Variants in ADAMTS17 observed in about 807,000 individuals in gnomAD.
ADAMTS17 encodes ADAM metallopeptidase with thrombospondin type 1 motif 17.
A neutral mutation model predicts 141.5 loss-of-function variants in ADAMTS17; 113 were observed. The observed-to-expected ratio is 0.80, with a 90% CI of 0.69 to 0.93. ADAMTS17 has a LOEUF of 0.93. ADAMTS17 is among the 40% of genes least tolerant of loss of function. The pLI is 0.00. For missense variants in ADAMTS17, 1,659 were observed against 1,517.9 expected (o/e 1.09, Z -1.54); for synonymous variants, 768 against 630.6 (o/e 1.22, Z -3.27).
chr15:100,136,192 A>C (rs1399902241), intron 10 of ADAMTS17, among the ~76,000 whole-genome samples: 1 of 152,244 alleles, frequency 6.6e-6, no homozygotes, highest in Non-Finnish European at 1.5e-5. Context: ...TCAAGAGCAG[A>C]ACAGATGAAT....
intron 8 of ADAMTS17, among the ~76,000 whole-genome samples, chr15:100,174,605 C>A (rs2040271816): frequency 6.6e-6 from 1 of 152,188 alleles, no homozygotes; most frequent in Non-Finnish European, 1.5e-5. Context: ...ATATTCACTT[C>A]TCCTAGTATA....
At chr15:100,025,419 T>C (rs925684624) in intron 18 of ADAMTS17, among the ~76,000 whole-genome samples, 8 of 150,938 alleles carry the variant, frequency 5.3e-5, no homozygotes, top group East Asian at 3.9e-4. Flanking sequence ...CTTTTCTTTT[T>C]TTTTTTTTTT....
intron 8 of ADAMTS17, among the ~76,000 whole-genome samples, chr15:100,189,665 T>C (rs2040847633): frequency 1.3e-5 from 2 of 152,226 alleles, no homozygotes; most frequent in East Asian, 1.9e-4. Context: ...GCAGGCGTCT[T>C]GTCACTTGTC....
chr15:100,200,738 C>G (rs1187446283), intron 7 of ADAMTS17, among the ~76,000 whole-genome samples: 1 of 152,172 alleles, frequency 6.6e-6, no homozygotes, highest in Non-Finnish European at 1.5e-5. Flanking sequence ...TGGACTCTGC[C>G]CGTCAACTCC....
At chr15:100,335,199 C>A (rs1045037808) in intron 2 of ADAMTS17, among the ~76,000 whole-genome samples, 1 of 152,160 alleles carries the variant, frequency 6.6e-6, no homozygotes, top group East Asian at 1.9e-4. Context: ...ACTGTAACGC[C>A]GGCTCAAGGT....
intron 13 of ADAMTS17, among the ~76,000 whole-genome samples, chr15:100,113,761 C>T (rs558047916): frequency 7.2e-5 from 11 of 152,304 alleles, no homozygotes; most frequent in East Asian, 1.9e-4. Context: ...GCTGGCTTGG[C>T]GGAGCTGTCG....
intron 10 of ADAMTS17, 109 bp from the exon 11 acceptor site, chr15:100,133,424 C>T (rs564424932): frequency 5.1e-5 from 53 of 1,046,572 alleles, no homozygotes; most frequent in African/African-American, 2.7e-4. Context: ...GGATTCGAAA[C>T]GTATGGGGAA....
intron 7 of ADAMTS17, among the ~76,000 whole-genome samples, chr15:100,236,875 T>C (rs2042673648): frequency 6.6e-6 from 1 of 152,084 alleles, no homozygotes; most frequent in African/African-American, 2.4e-5. Context: ...ACTTGTTCCA[T>C]GCTCCCTCTC....
chr15:100,001,250 A>G (rs1438332746), intron 18 of ADAMTS17, among the ~76,000 whole-genome samples: 1 of 152,202 alleles, frequency 6.6e-6, no homozygotes, highest in Non-Finnish European at 1.5e-5. Context: ...CTCCTGAAGG[A>G]AAACAATGTC....
intron 7 of ADAMTS17, among the ~76,000 whole-genome samples, chr15:100,199,671 A>C (rs973531878): frequency 6.6e-6 from 1 of 152,172 alleles, no homozygotes; most frequent in African/African-American, 2.4e-5. Context: ...TAGAGTACCC[A>C]TAGCACCTAA....
rs750787802 is a variant in ADAMTS17, at chr15:100,169,769, G to C, written c.1182-14449C>G. ...AAAATCCCTCTTGGGGTTAGAGGTG[G>C]AAAGCCGGGGGCATCTGGTCACGGG... On this transcript the variant is annotated intron_variant, in intron 8 of 21. Coordinates refer to ENST00000268070, the MANE Select transcript of ADAMTS17 (RefSeq NM_139057.4). Among the ~76,000 whole-genome samples, 91 of 152,338 alleles carry C rather than the reference G, an allele frequency of 6.0e-4. 1 individual carries two copies. Among genetic ancestry groups the C allele is most frequent in the Admixed American group, 3.3e-3 (51 of 15,306 alleles).
In ADAMTS17 at chr15:100,338,858, C is replaced by G. The variant is rs372674379; in HGVS notation, c.450+2181G>C. The stretch of plus-strand genomic sequence containing the variant: ...AGCCACCTGAACTGAGAACCAAAGT[C>G]AAAGCTAGTCTGCAATGCAAACTTG... On this transcript the variant is annotated intron_variant, in intron 2 of 21. Transcript: ENST00000268070. 73 of 717,524 alleles carry G rather than the reference C, an allele frequency of 1.0e-4. No homozygotes were observed. In the African/African-American group the frequency reaches 1.1e-3, roughly 11 times the overall value. The allele number at this position is 717,524 out of a possible 1,614,324, so 44.4% of individuals were successfully genotyped here.
rs756394096 is a variant in ADAMTS17, at chr15:99,997,479, C to T, written c.2702G>A (p.Arg901Gln). ...QLQNGTHVATRPLYCPGPRPA... is the reference protein window; with the variant it reads ...QLQNGTHVATQPLYCPGPRPA... The stretch of plus-strand genomic sequence containing the variant: ...CCGGGGGCCCGGGCAGTAGAGGGGC[C>T]GCGTAGCGACGTGTGTGCCGTTCTG... Residue 901 changes from arginine (R) to glutamine (Q), a missense_variant, in exon 19 of 22, where the codon CGG becomes CAG. By Grantham distance (43) the Arg-to-Gln change is conservative (BLOSUM62 1). Transcript: ENST00000268070. This position sits in a 1 kb window ranked among gnomAD's most constrained non-coding sequence, Gnocchi z 4.7. The T allele has an allele frequency of 7.0e-5, 113 of 1,613,486 alleles. No homozygotes were observed. Among genetic ancestry groups the T allele is most frequent in the Middle Eastern group, 1.6e-4 (1 of 6,062 alleles).
chr15:100,178,417 CATTT>C (rs2141511978), intron 8 of ADAMTS17, among the ~76,000 whole-genome samples: 1 of 152,240 alleles, frequency 6.6e-6, no homozygotes, highest in South Asian at 2.1e-4. Context: ...AGAAATGTGA[CATTT>C]ATTTAGATCC....
At chr15:100,091,010 C>CAACAAAAAAA (rs1555446585) in intron 15 of ADAMTS17, among the ~76,000 whole-genome samples, 1 of 54,612 alleles carries the variant, frequency 1.8e-5, no homozygotes, top group African/African-American at 7.1e-5. Flanking sequence ...TCCGTCTCAA[C>CAACAAAAAAA]AAAAAAAAAA....
chr15:100,212,212 TAGG>T (rs1165397705), intron 7 of ADAMTS17, among the ~76,000 whole-genome samples: 1 of 152,014 alleles, frequency 6.6e-6, no homozygotes, highest in Non-Finnish European at 1.5e-5. Context: ...TGCAACCAAG[TAGG>T]AGAATTCACT....
At chr15:99,978,463 G>A (rs1196223133) in intron 20 of ADAMTS17, 1 of 152,266 alleles carries the variant, frequency 6.6e-6, no homozygotes, top group Non-Finnish European at 1.5e-5. Context: ...CGAGAGGCCA[G>A]GCCAACCCTA....
chr15:99,983,204 C>A (rs140949916), intron 20 of ADAMTS17, among the ~76,000 whole-genome samples: 1 of 152,114 alleles, frequency 6.6e-6, no homozygotes, highest in Non-Finnish European at 1.5e-5. Context: ...CTGCTGTGTA[C>A]GGGGGACCGG....
At chr15:99,977,413 T>A (rs1567632762) in intron 20 of ADAMTS17, among the ~76,000 whole-genome samples, 4 of 81,530 alleles carry the variant, frequency 4.9e-5, no homozygotes, top group African/African-American at 2.2e-4. Context: ...TTTTTTTTTT[T>A]TTTTTTTTTT....
Sources: allele counts gnomAD v4.1 joint callset (sites outside exome capture counted in the v4.1 genomes callset), GRCh38; gene constraint gnomAD v4.1.1; non-coding constraint Gnocchi (gnomAD v3.1); transcripts MANE v1.5; gene names NCBI Gene and HGNC (gene_info 2026-07-23, HGNC 2026-07-21).